Variants in OPN3 observed in about 807,000 individuals in gnomAD.
OPN3 encodes the protein opsin-3.
In OPN3, 29 loss-of-function variants were observed where a neutral mutation model predicts 33.8. The observed-to-expected ratio is 0.86, with a 90% CI of 0.64 to 1.17. The LOEUF (loss-of-function observed/expected upper bound fraction) is 1.17, where lower values mean the gene tolerates loss of function less well. Among genes scored for constraint, OPN3 ranks in the 50% most tolerant of loss-of-function variants. The pLI is 0.00. For synonymous variants in OPN3, 216 were observed against 216.1 expected (o/e 1.00, Z 0.00); for missense variants, 437 against 514.1 (o/e 0.85, Z 1.45).
chr1:241,629,788 A>G (rs1664550404), intron 1 of OPN3: 1 of 152,118 alleles, frequency 6.6e-6, no homozygotes, highest in South Asian at 2.1e-4. Flanking sequence ...TCTTTCCACC[A>G]GCAGTTATTA....
intron 1 of OPN3, among the ~76,000 whole-genome samples, chr1:241,617,563 C>A (rs748495561): frequency 6.6e-6 from 1 of 152,274 alleles, no homozygotes. Flanking sequence ...GGTTTTAGAG[C>A]GGGTGATAAC....
At position 241,640,023 on chromosome 1, in the gene OPN3, G is replaced by T; in HGVS notation, c.232C>A (p.Leu78Ile). ...KFQRLRTPTH[L>I]LLVNISLSDL... ...CTGAGGCTGATGTTGACCAGGAGGA[G>T]GTGAGTGGGAGTGCGGAGCCGCTGG... Residue 78 changes from leucine to isoleucine, a missense_variant, in exon 1 of 4, where the codon CTC (leucine) becomes ATC (isoleucine). Physicochemically the swap from Leu to Ile is conservative, Grantham distance 5 (BLOSUM62 2). Coordinates refer to ENST00000366554, the MANE Select transcript of OPN3 (RefSeq NM_014322.3). 6.2e-7 allele frequency: 1 copy of T among 1,613,558 alleles called. No individual in the cohort carries two copies. Among genetic ancestry groups the T allele is most frequent in the Non-Finnish European group, 8.5e-7 (1 of 1,179,770 alleles).
In OPN3 at chr1:241,617,654, C is replaced by T. The variant is rs888193712; in HGVS notation, c.374-13075G>A. Among the ~76,000 whole-genome samples the T allele has an allele frequency of 7.9e-5, 12 of 152,290 alleles. No individual in the cohort carries two copies. In the East Asian group the frequency reaches 2.1e-3, roughly 27 times the overall value. ...AGCACGGAAACACAGAGGGCGAGTG[C>T]GACTCTTCTCTCAAGAATGAATATC... On this transcript the variant is annotated intron_variant, in intron 1 of 3. Coordinates refer to ENST00000366554, the MANE Select transcript of OPN3 (RefSeq NM_014322.3).
rs1235557799 is a variant in OPN3 at position 241,640,111 on chromosome 1, C to T, written c.144G>A (p.Leu48=). 1.2e-6 allele frequency: 2 copies of T among 1,602,310 alleles called. No individual in the cohort carries two copies. Among genetic ancestry groups the T allele is most frequent in the Non-Finnish European group, 1.7e-6 (2 of 1,175,252 alleles). Residue 48 remains leucine, a synonymous_variant, in exon 1 of 4, where the codon CTG becomes CTA. Transcript: ENST00000366554. ...CGACGCCCAGCAGCCCAATGGAGCC[C>T]AGCAGCAGCGCCAGGCGCTCGTAGG... ...PGTYERLALL[L]GSIGLLGVGN... is the part of the protein sequence containing the mutation.
intron 1 of OPN3, chr1:241,634,355 T>C: frequency 6.2e-7 from 1 of 1,614,012 alleles, no homozygotes; most frequent in Non-Finnish European, 8.5e-7. Context: ...AGTCTGCTGA[T>C]CTAAATCTGT....
intron 3 of OPN3, among the ~76,000 whole-genome samples, chr1:241,596,941 C>G (rs1573948913): frequency 6.6e-6 from 1 of 152,162 alleles, no homozygotes; most frequent in Middle Eastern, 3.2e-3. Flanking sequence ...CCTTTCATCT[C>G]AGGCCCCTGA....
intron 1 of OPN3, among the ~76,000 whole-genome samples, chr1:241,614,654 C>T (rs552427916): frequency 3.9e-5 from 6 of 152,364 alleles, no homozygotes; most frequent in African/African-American, 1.4e-4. Context: ...TGTTCTCTGA[C>T]CATTCTGGCT....
chr1:241,596,601 C>G (rs919622920), intron 3 of OPN3, among the ~76,000 whole-genome samples: 79 of 152,210 alleles, frequency 5.2e-4, no homozygotes, highest in Non-Finnish European at 1.0e-4. Context: ...GTGCCCTCTT[C>G]TTCCACATTC....
intron 2 of OPN3, 79 bp from the exon 3 acceptor site, chr1:241,598,076 A>G: frequency 1.3e-5 from 19 of 1,476,920 alleles, no homozygotes; most frequent in Non-Finnish European, 1.7e-5. Context: ...ACAGATATTC[A>G]GACACCATTC....
At chr1:241,629,241 T>C (rs1295132944) in intron 1 of OPN3, 1 of 152,152 alleles carries the variant, frequency 6.6e-6, no homozygotes, top group Non-Finnish European at 1.5e-5. Context: ...TTCCTGGGCA[T>C]ATGCCACTCA....
chr1:241,624,435 A>G (rs115557963), intron 1 of OPN3, among the ~76,000 whole-genome samples: 1 of 152,288 alleles, frequency 6.6e-6, no homozygotes, highest in African/African-American at 2.4e-5. Context: ...CTTCTCAACC[A>G]TAAGGGCCAA....
intron 3 of OPN3, among the ~76,000 whole-genome samples, chr1:241,597,128 C>T (rs1459191454): frequency 6.6e-6 from 1 of 152,078 alleles, no homozygotes; most frequent in Non-Finnish European, 1.5e-5. Flanking sequence ...CCACACCAGG[C>T]CCAGGAAGTT....
chr1:241,611,481 C>T (rs1663992190), intron 1 of OPN3, among the ~76,000 whole-genome samples: 1 of 123,690 alleles, frequency 8.1e-6, no homozygotes, highest in African/African-American at 3.3e-5. Context: ...ATTAAGCACA[C>T]TTTAACAAGG....
In OPN3 at chr1:241,639,866, TC is replaced by T; in HGVS notation, c.373+15del. 1 of 1,530,400 alleles carries T rather than the reference TC, an allele frequency of 6.5e-7. No homozygotes were observed. Among genetic ancestry groups the T allele is most frequent in the Non-Finnish European group, 8.8e-7 (1 of 1,136,844 alleles). 94.8% of individuals were successfully genotyped at this position (1,530,400 alleles called of 1,614,324 possible). On this transcript the variant is annotated intron_variant, in intron 1 of 3. Coordinates refer to ENST00000366554, the MANE Select transcript of OPN3 (RefSeq NM_014322.3). The stretch of plus-strand genomic sequence containing the variant: ...AGTTTGCAGAGGGGAGGCTGCCTTC[TC>T]CCAGTCCAACTCACCGAAGAGGCTG...
chr1:241,594,600 T>C lies in OPN3; in HGVS notation c.1037A>G (p.Gln346Arg). The change falls in exon 4 of 4, where the codon CAG (glutamine) becomes CGG (arginine). Residue 346 changes from glutamine to arginine, a missense_variant. Transcript: ENST00000366554. ...CTGTGACATCACAATGGGTCTGATC[T>C]GCATTTCACTTCCAGCTGCTGGTAG... ...KDLPAAGSEMQIRPIVMSQKD... is the reference protein window; with the variant it reads ...KDLPAAGSEMRIRPIVMSQKD... The C allele has an allele frequency of 3.7e-6, 6 of 1,614,140 alleles. No individual in the cohort carries two copies. Among genetic ancestry groups the C allele is most frequent in the Non-Finnish European group, 5.1e-6 (6 of 1,179,998 alleles).
chr1:241,625,582 A>G (rs1273798788), intron 1 of OPN3, among the ~76,000 whole-genome samples: 2 of 152,172 alleles, frequency 1.3e-5, no homozygotes, highest in Non-Finnish European at 2.9e-5. Flanking sequence ...ATTCTCTCAT[A>G]TTCAAAACTT....
intron 1 of OPN3, among the ~76,000 whole-genome samples, chr1:241,636,290 G>A (rs1377115698): frequency 6.6e-6 from 1 of 152,134 alleles, no homozygotes; most frequent in Non-Finnish European, 1.5e-5. Context: ...CATAGTAATA[G>A]AGAATGAACA....
intron 1 of OPN3, among the ~76,000 whole-genome samples, chr1:241,605,005 G>T (rs1213243151): frequency 6.7e-6 from 1 of 150,072 alleles, no homozygotes; most frequent in Non-Finnish European, 1.5e-5. Flanking sequence ...GCAGTGAGCT[G>T]AGATTGCGCC....
intron 1 of OPN3, among the ~76,000 whole-genome samples, chr1:241,622,662 C>G (rs916958797): frequency 6.6e-6 from 1 of 152,160 alleles, no homozygotes; most frequent in African/African-American, 2.4e-5. Flanking sequence ...AAATCAATTG[C>G]TAAAACATTG....
Sources: gnomAD v4.1 joint callset for allele counts (sites outside exome capture counted in the v4.1 genomes callset) on GRCh38, gnomAD v4.1.1 for gene constraint, MANE v1.5 for transcripts, NCBI Gene and HGNC (gene_info 2026-07-23, HGNC 2026-07-21) for gene names.